The following TRPM3 variants were observed in gnomAD, a reference collection of about 807,000 sequenced individuals.
TRPM3 encodes transient receptor potential cation channel subfamily M member 3, also known as long transient receptor potential channel 3.
In TRPM3, 77 loss-of-function variants were observed where a neutral mutation model predicts 181.2. The ratio of observed to expected loss-of-function variants is 0.42; its 90% CI spans 0.35 to 0.51. The LOEUF (loss-of-function observed/expected upper bound fraction) is 0.51. Among genes scored for constraint, TRPM3 ranks in the 20% least tolerant of loss-of-function variants. The pLI, the probability that TRPM3 is intolerant of heterozygous loss-of-function variation, is 0.01. For synonymous variants in TRPM3, 745 were observed against 796.4 expected (o/e 0.94, Z 1.09); for missense variants, 1,759 against 2,196.7 (o/e 0.80, Z 3.98).
chr9:71,421,784 TA>T (rs1462623432), intron 1 of TRPM3, among the ~76,000 whole-genome samples: 1 of 152,032 alleles, frequency 6.6e-6, no homozygotes, highest in African/African-American at 2.4e-5. Flanking sequence ...CACACAATGT[TA>T]AGTATTTGTG....
At chr9:70,686,483 C>A in intron 8 of TRPM3, among the ~76,000 whole-genome samples, 1 of 152,084 alleles carries the variant, frequency 6.6e-6, no homozygotes, top group Admixed American at 6.6e-5. Flanking sequence ...ACTCTCAGGG[C>A]CCTTTCCTGT....
chr9:71,332,215 G>A (rs1377178834), intron 1 of TRPM3, among the ~76,000 whole-genome samples: 13 of 151,526 alleles, frequency 8.6e-5, no homozygotes, highest in Admixed American at 2.0e-4. Context: ...CTGCACTTTC[G>A]AGTTTTTAAA....
intron 8 of TRPM3, among the ~76,000 whole-genome samples, chr9:70,744,106 T>C (rs2074680657): frequency 6.6e-6 from 1 of 151,918 alleles, no homozygotes; most frequent in Non-Finnish European, 1.5e-5. Flanking sequence ...GGTGGGTGAA[T>C]CACCCGAGGT....
chr9:70,745,814 C>T (rs1408701179), intron 8 of TRPM3, among the ~76,000 whole-genome samples: 1 of 152,120 alleles, frequency 6.6e-6, no homozygotes. Context: ...ACCCTGTCCA[C>T]TAAAATGATC....
intron 1 of TRPM3, among the ~76,000 whole-genome samples, chr9:71,243,383 T>TCTCCGCTGTGCAGCTGTCAC (rs2081837812): frequency 6.6e-6 from 1 of 152,212 alleles, no homozygotes; most frequent in South Asian, 2.1e-4. Context: ...TCTGCTGTCA[T>TCTCCGCTGTGCAGCTGTCAC]CTCCGCTGTG....
intron 5 of TRPM3, among the ~76,000 whole-genome samples, chr9:70,837,245 G>A (rs1447240420): frequency 1.3e-5 from 2 of 152,178 alleles, no homozygotes; most frequent in Non-Finnish European, 2.9e-5. Context: ...TACTGACTTG[G>A]TAACTACATT....
intron 1 of TRPM3, among the ~76,000 whole-genome samples, chr9:70,913,938 CA>C (rs1453422518): frequency 6.6e-6 from 1 of 152,124 alleles, no homozygotes; most frequent in Admixed American, 6.6e-5. Context: ...AAGATCAGGT[CA>C]AAGAATAAAG....
chr9:71,237,097 T>TGGGGAAA (rs2081404409), intron 1 of TRPM3, among the ~76,000 whole-genome samples: 2 of 119,720 alleles, frequency 1.7e-5, no homozygotes, highest in Admixed American at 8.2e-5. Flanking sequence ...GGAAGGGGGA[T>TGGGGAAA]GGGGAAAGGG....
chr9:70,828,955 A>C (rs1475636072), intron 5 of TRPM3, among the ~76,000 whole-genome samples: 2 of 152,158 alleles, frequency 1.3e-5, no homozygotes, highest in South Asian at 2.1e-4. Flanking sequence ...GCTTAGACCC[A>C]GTGGAAACAT....
chr9:71,239,076 AAAAC>A (rs746630672), intron 1 of TRPM3, among the ~76,000 whole-genome samples: 10 of 152,076 alleles, frequency 6.6e-5, no homozygotes, highest in African/African-American at 1.9e-4. Flanking sequence ...AAGAAGGAAA[AAAAC>A]AAACAAACAA....
chr9:71,054,248 C>G (rs2060403929), intron 1 of TRPM3, among the ~76,000 whole-genome samples: 2 of 152,106 alleles, frequency 1.3e-5, no homozygotes, highest in Non-Finnish European at 2.9e-5. Context: ...ATCACAGTTC[C>G]AAGAAGGCTG....
chr9:71,384,759 AAGAACACC>A (rs2132897202), intron 1 of TRPM3, among the ~76,000 whole-genome samples: 1 of 152,320 alleles, frequency 6.6e-6, no homozygotes, highest in East Asian at 1.9e-4. Context: ...TAAATTCTGT[AAGAACACC>A]ATATTAAGAA....
At chr9:71,426,255 G>A (rs1224821902) in intron 1 of TRPM3, among the ~76,000 whole-genome samples, 16 of 149,176 alleles carry the variant, frequency 1.1e-4, no homozygotes. Context: ...TCCATACTGG[G>A]AAAATAAATA....
intron 1 of TRPM3, among the ~76,000 whole-genome samples, chr9:71,259,162 G>A (rs2082871479): frequency 6.6e-6 from 1 of 151,986 alleles, no homozygotes; most frequent in South Asian, 2.1e-4. Flanking sequence ...TTCTGTCCAT[G>A]TGTCAGTTTG....
chr9:71,040,329 C>T (rs2058683536), intron 1 of TRPM3, among the ~76,000 whole-genome samples: 1 of 152,154 alleles, frequency 6.6e-6, no homozygotes, highest in African/African-American at 2.4e-5. Flanking sequence ...CTCTCTATAA[C>T]AGAAGTTTTG....
intron 1 of TRPM3, among the ~76,000 whole-genome samples, chr9:70,970,110 T>C (rs890658781): frequency 6.6e-6 from 1 of 152,170 alleles, no homozygotes; most frequent in African/African-American, 2.4e-5. Context: ...ATAACTTGTA[T>C]AAATTAGCTA....
intron 25 of TRPM3, among the ~76,000 whole-genome samples, chr9:70,539,613 A>G (rs1408017186): frequency 1.3e-5 from 2 of 152,030 alleles, no homozygotes; most frequent in East Asian, 3.9e-4. Context: ...GGCAAACTCA[A>G]CGCCATGCAC....
chr9:71,270,487 C>T (rs1565405242), intron 1 of TRPM3, among the ~76,000 whole-genome samples: 1 of 152,310 alleles, frequency 6.6e-6, no homozygotes, highest in Non-Finnish European at 1.5e-5. Flanking sequence ...GCTTATTCAG[C>T]CTAAACTTAT....
intron 5 of TRPM3, among the ~76,000 whole-genome samples, chr9:70,831,126 T>G (rs10081694): frequency 0.42 from 63,890 of 151,926 alleles, 13,765 homozygotes; most frequent in African/African-American, 0.47. Flanking sequence ...AGAAATAACT[T>G]CCCAAATACC....
Sources: gnomAD v4.1 joint callset for allele counts (sites outside exome capture counted in the v4.1 genomes callset) on GRCh38, gnomAD v4.1.1 for gene constraint, MANE v1.5 for transcripts, NCBI Gene and HGNC (gene_info 2026-07-23, HGNC 2026-07-21) for gene names.